PKP4: variants seen among roughly 807,000 people sequenced by gnomAD.
PKP4 encodes plakophilin 4.
A neutral mutation model predicts 145.1 loss-of-function variants in PKP4; 90 were observed. The observed-to-expected ratio is 0.62, with a 90% CI of 0.52 to 0.74. The LOEUF (loss-of-function observed/expected upper bound fraction) is 0.74. PKP4 is among the 30% of genes least tolerant of loss of function. The pLI, the probability that PKP4 is intolerant of heterozygous loss-of-function variation, is 0.00. For synonymous variants in PKP4, 563 were observed against 577.2 expected (o/e 0.98, Z 0.35); for missense variants, 1,340 against 1,482.7 (o/e 0.90, Z 1.58).
At chr2:158,666,758 C>CATTG (rs765079027) in intron 16 of PKP4, 195 bp downstream of exon 16, 2 of 452,056 alleles carry the variant, frequency 4.4e-6, no homozygotes. Flanking sequence ...ATTAATTAGT[C>CATTG]ATTGATTAGG....
intron 1 of PKP4, among the ~76,000 whole-genome samples, chr2:158,528,188 G>A (rs1049835676): frequency 2.4e-4 from 35 of 143,774 alleles, no homozygotes; most frequent in Admixed American, 4.3e-4. Flanking sequence ...ACATGCACAC[G>A]TATGTTTATT....
intron 11 of PKP4, among the ~76,000 whole-genome samples, chr2:158,656,534 G>A (rs2055945461): frequency 6.6e-6 from 1 of 152,272 alleles, no homozygotes; most frequent in South Asian, 2.1e-4. Context: ...GAAGGCTGTA[G>A]TTATGGTGGA....
chr2:158,656,802 T>C (rs1029679342), intron 11 of PKP4, among the ~76,000 whole-genome samples: 2 of 152,164 alleles, frequency 1.3e-5, no homozygotes, highest in African/African-American at 4.8e-5. Context: ...AGCCCTTGGC[T>C]TCTACATCCC....
chr2:158,679,757 G>A (rs2058308181), intron 21 of PKP4, among the ~76,000 whole-genome samples: 1 of 152,208 alleles, frequency 6.6e-6, no homozygotes, highest in Admixed American at 6.5e-5. Context: ...CTTAGCCCTG[G>A]CTTGGGGAAG....
chr2:158,523,164 C>T (rs2042572827), intron 1 of PKP4, among the ~76,000 whole-genome samples: 1 of 151,840 alleles, frequency 6.6e-6, no homozygotes, highest in South Asian at 2.1e-4. Context: ...CTGTAGGCTC[C>T]ACCTCTGGGG....
At chr2:158,542,215 C>G (rs1183369535) in intron 2 of PKP4, among the ~76,000 whole-genome samples, 1 of 152,134 alleles carries the variant, frequency 6.6e-6, no homozygotes, top group Admixed American at 6.6e-5. Flanking sequence ...GTCCCACTTT[C>G]TCATTTGTTC....
intron 2 of PKP4, among the ~76,000 whole-genome samples, chr2:158,561,267 C>T (rs2046489589): frequency 6.6e-6 from 1 of 152,176 alleles, no homozygotes; most frequent in Admixed American, 6.5e-5. Flanking sequence ...AAAATATTTA[C>T]TGTGTATCTG....
At chr2:158,460,208 T>A (rs1689561289) in intron 1 of PKP4, among the ~76,000 whole-genome samples, 1 of 152,180 alleles carries the variant, frequency 6.6e-6, no homozygotes, top group Non-Finnish European at 1.5e-5. Context: ...TTATATACAT[T>A]ATTGCAGCAG....
chr2:158,586,370 C>G (rs528826911), intron 3 of PKP4, among the ~76,000 whole-genome samples: 1 of 152,262 alleles, frequency 6.6e-6, no homozygotes, highest in East Asian at 1.9e-4. Context: ...TTCCTTTCTC[C>G]TTTGCTTCTT....
chr2:158,616,155 C>T (rs1284201057), intron 4 of PKP4, among the ~76,000 whole-genome samples: 2 of 152,194 alleles, frequency 1.3e-5, no homozygotes, highest in Non-Finnish European at 2.9e-5. Flanking sequence ...ACTATTGGTG[C>T]TTCATGTTTC....
chr2:158,585,890 CAAAAAA>C (rs370996666), intron 3 of PKP4, among the ~76,000 whole-genome samples: 1 of 133,234 alleles, frequency 7.5e-6, no homozygotes, highest in South Asian at 2.4e-4. Context: ...TTTATCATTC[CAAAAAA>C]AAAAAAAAAA....
intron 3 of PKP4, 51 bp downstream of exon 3, chr2:158,577,434 C>A: frequency 3.5e-6 from 4 of 1,140,350 alleles, no homozygotes; most frequent in African/African-American, 1.6e-5. Context: ...ACATGCCTTA[C>A]TAGGTTGTTC....
intron 2 of PKP4, among the ~76,000 whole-genome samples, chr2:158,535,032 A>G (rs1219330511): frequency 2.0e-5 from 3 of 152,194 alleles, no homozygotes; most frequent in African/African-American, 7.2e-5. Context: ...CGTTTCATAC[A>G]TAATTTCTTT....
At chr2:158,595,139 C>T (rs2049614118) in intron 3 of PKP4, among the ~76,000 whole-genome samples, 1 of 152,154 alleles carries the variant, frequency 6.6e-6, no homozygotes. Context: ...GCAATCCTTA[C>T]CTGACTAAGA....
rs577879269 is a variant in PKP4 at position 158,625,011 on chromosome 2, G to C, written c.737G>C (p.Gly246Ala). 330 of 1,614,060 alleles carry C rather than the reference G, an allele frequency of 2.0e-4. 3 individuals carry two copies. In the South Asian group the frequency reaches 3.3e-3, roughly 16 times the overall value. ...AGAACTTCTCTGGGTAGTGGATTTG[G>C]CTCTCCGTCAGTGACCGACCCCCGA... ...SLRTSLGSGF[G>A]SPSVTDPRPL... Residue 246 changes from glycine (G) to alanine (A), a missense_variant, in exon 7 of 22, where the codon GGC becomes GCC. Coordinates refer to ENST00000389759, the MANE Select transcript of PKP4 (RefSeq NM_003628.6).
At chr2:158,556,317 G>A (rs2105721420) in intron 2 of PKP4, among the ~76,000 whole-genome samples, 1 of 152,300 alleles carries the variant, frequency 6.6e-6, no homozygotes, top group South Asian at 2.1e-4. Flanking sequence ...TCAAGAGTGT[G>A]AAGAGGCAAT....
intron 9 of PKP4, among the ~76,000 whole-genome samples, chr2:158,638,324 C>T (rs2053988045): frequency 6.6e-6 from 1 of 152,166 alleles, no homozygotes. Context: ...ATTTAATCAT[C>T]ACAACCAACC....
In PKP4 at chr2:158,518,503, T is replaced by C. The variant is rs189835964; in HGVS notation, c.-5-14677T>C. Among the ~76,000 whole-genome samples, 157 of 152,340 alleles carry C rather than the reference T, an allele frequency of 1.0e-3. 1 individual carries two copies. Among genetic ancestry groups the C allele is most frequent in the Admixed American group, 7.7e-3 (118 of 15,304 alleles). ...GTCTACATATTTCTTCCCCCTGAGATAAATGAGAACACTAGTGTCATTTCA... is the reference window on the plus strand; with the variant it reads ...GTCTACATATTTCTTCCCCCTGAGACAAATGAGAACACTAGTGTCATTTCA... On this transcript the variant is annotated intron_variant, in intron 1 of 21. Transcript: ENST00000389759.
chr2:158,564,145 T>C (rs1574503681), intron 2 of PKP4, among the ~76,000 whole-genome samples: 4 of 151,906 alleles, frequency 2.6e-5, no homozygotes, highest in Middle Eastern at 3.5e-3. Flanking sequence ...AATAATGTAA[T>C]ATAAAAGTAT....
Sources: gnomAD v4.1 joint callset for allele counts (sites outside exome capture counted in the v4.1 genomes callset) on GRCh38, gnomAD v4.1.1 for gene constraint, MANE v1.5 for transcripts, NCBI Gene and HGNC (gene_info 2026-07-23, HGNC 2026-07-21) for gene names.